LINGO2: variants seen among roughly 807,000 people sequenced by gnomAD.
LINGO2 encodes leucine rich repeat and Ig domain containing 2.
A neutral mutation model predicts 30.6 loss-of-function variants in LINGO2; 14 were observed. That is an observed-to-expected ratio of 0.46 (90% CI 0.30 to 0.72). The LOEUF is 0.72. Ranked by LOEUF, LINGO2 falls within the 30% of genes least tolerant of loss-of-function variation. The probability of loss-of-function intolerance (pLI) is 0.07; values close to 1 mark genes in which losing one functional copy is unlikely to be tolerated. For synonymous variants in LINGO2, 317 were observed against 288.5 expected (o/e 1.10, Z -1.00); for missense variants, 729 against 751.7 (o/e 0.97, Z 0.35).
chr9:28,289,054 T>G (rs1213380803), intron 4 of LINGO2, among the ~76,000 whole-genome samples: 1 of 152,132 alleles, frequency 6.6e-6, no homozygotes, highest in African/African-American at 2.4e-5. Context: ...GAAAGAAAAA[T>G]TGCTTCTAAG....
At chr9:28,218,566 C>A (rs2133887121) in intron 4 of LINGO2, among the ~76,000 whole-genome samples, 1 of 152,218 alleles carries the variant, frequency 6.6e-6, no homozygotes, top group South Asian at 2.1e-4. Flanking sequence ...AGCCCAATAT[C>A]CCGTGCCACA....
intron 4 of LINGO2, among the ~76,000 whole-genome samples, chr9:28,124,044 G>A (rs956651852): frequency 1.3e-5 from 2 of 152,074 alleles, no homozygotes; most frequent in African/African-American, 2.4e-5. Context: ...TTTGATAATA[G>A]AAAACACAAC....
the LINGO2 span, among the ~76,000 whole-genome samples, chr9:29,037,426 A>G: frequency 2.0e-5 from 3 of 151,946 alleles, no homozygotes; most frequent in East Asian, 5.8e-4. Context: ...AGCTTATATT[A>G]TGTTAAAAAT....
intron 2 of LINGO2, among the ~76,000 whole-genome samples, chr9:28,462,860 A>C (rs1825139522): frequency 6.6e-6 from 1 of 152,102 alleles, no homozygotes; most frequent in Admixed American, 6.5e-5. Context: ...TTCTGAACTA[A>C]AAATTGAAAA....
chr9:28,518,820 C>T (rs967812318), intron 1 of LINGO2, among the ~76,000 whole-genome samples: 5 of 152,134 alleles, frequency 3.3e-5, no homozygotes, highest in Admixed American at 1.3e-4. Flanking sequence ...AATTTGTATG[C>T]TTTTCTCCTG....
intron 4 of LINGO2, among the ~76,000 whole-genome samples, chr9:28,220,136 T>C (rs1351662327): frequency 6.6e-6 from 1 of 152,166 alleles, no homozygotes. Flanking sequence ...AGGATGTATG[T>C]ATGTTATATG....
At chr9:28,531,017 A>C (rs949556618) in intron 1 of LINGO2, among the ~76,000 whole-genome samples, 26 of 148,718 alleles carry the variant, frequency 1.7e-4, no homozygotes, top group African/African-American at 6.4e-4. Context: ...TAAACCAAAA[A>C]ATTAATATAA....
intron 4 of LINGO2, among the ~76,000 whole-genome samples, chr9:28,016,304 G>C (rs1396791123): frequency 6.6e-6 from 1 of 152,120 alleles, no homozygotes; most frequent in African/African-American, 2.4e-5. Context: ...TTCCGTTGCA[G>C]ATCCCACCAC....
chr9:28,357,502 A>G (rs1351163655), intron 3 of LINGO2, among the ~76,000 whole-genome samples: 1 of 152,136 alleles, frequency 6.6e-6, no homozygotes, highest in Non-Finnish European at 1.5e-5. Flanking sequence ...ACCCCAAAAT[A>G]CAATCCTAAA....
intron 4 of LINGO2, among the ~76,000 whole-genome samples, chr9:28,159,503 A>C (rs1180439587): frequency 1.3e-5 from 2 of 152,114 alleles, no homozygotes; most frequent in African/African-American, 4.8e-5. Context: ...GTACAATATG[A>C]TGTTTTGATA....
At chr9:28,322,523 T>A (rs928410384) in intron 3 of LINGO2, among the ~76,000 whole-genome samples, 1 of 152,004 alleles carries the variant, frequency 6.6e-6, no homozygotes, top group African/African-American at 2.4e-5. Context: ...CATAATAGAT[T>A]TTATTTTATT....
At chr9:29,125,333 G>T in the LINGO2 span, among the ~76,000 whole-genome samples, 43 of 152,070 alleles carry the variant, frequency 2.8e-4, no homozygotes, top group African/African-American at 9.6e-4. Flanking sequence ...CCTAGATGAC[G>T]TGTTGATAGG....
intron 5 of LINGO2, among the ~76,000 whole-genome samples, chr9:27,986,326 A>C (rs1821121683): frequency 6.6e-6 from 1 of 151,838 alleles, no homozygotes; most frequent in Non-Finnish European, 1.5e-5. Context: ...AGGAAAAACA[A>C]AACTAAGAAA....
intron 4 of LINGO2, among the ~76,000 whole-genome samples, chr9:28,220,985 C>T (rs975857981): frequency 2.6e-5 from 4 of 152,098 alleles, no homozygotes; most frequent in African/African-American, 9.7e-5. Context: ...TAGTTAATGA[C>T]AATATATTGC....
At chr9:28,380,715 A>G (rs1276173219) in intron 2 of LINGO2, among the ~76,000 whole-genome samples, 4 of 152,088 alleles carry the variant, frequency 2.6e-5, no homozygotes, top group Non-Finnish European at 5.9e-5. Flanking sequence ...GAGATAGTAT[A>G]AACAAAGTGA....
intron 4 of LINGO2, among the ~76,000 whole-genome samples, chr9:28,028,019 C>T (rs910128556): frequency 6.6e-6 from 1 of 152,144 alleles, no homozygotes; most frequent in African/African-American, 2.4e-5. Flanking sequence ...TGACCACTCA[C>T]TTATTTGTTA....
At chr9:28,943,701 T>G in the LINGO2 span, among the ~76,000 whole-genome samples, 11 of 152,124 alleles carry the variant, frequency 7.2e-5, no homozygotes, top group Admixed American at 7.2e-4. Flanking sequence ...AACAAACGTA[T>G]GCATTGCTCT....
At chr9:28,704,126 T>C in the LINGO2 span, among the ~76,000 whole-genome samples, 1 of 152,080 alleles carries the variant, frequency 6.6e-6, no homozygotes, top group South Asian at 2.1e-4. Context: ...GCAGGTTTAT[T>C]GATGATAACA....
chr9:29,102,889 C>T, the LINGO2 span, among the ~76,000 whole-genome samples: 31 of 152,106 alleles, frequency 2.0e-4, no homozygotes, highest in Non-Finnish European at 3.1e-4. Flanking sequence ...TCCACAATCT[C>T]CATTGAAAGG....
Sources: gnomAD v4.1 joint callset for allele counts (sites outside exome capture counted in the v4.1 genomes callset) on GRCh38, gnomAD v4.1.1 for gene constraint, MANE v1.5 for transcripts, NCBI Gene and HGNC (gene_info 2026-07-23, HGNC 2026-07-21) for gene names.